KAZN: variants seen among roughly 807,000 people sequenced by gnomAD.
KAZN encodes kazrin, periplakin interacting protein, also known as kazrin.
KAZN carries 40 observed loss-of-function variants against 87.4 expected under a neutral mutation model. The observed-to-expected ratio is 0.46, with a 90% confidence interval of 0.36 to 0.60. The LOEUF is 0.60. KAZN is among the 20% of genes least tolerant of loss of function. The pLI is 0.00. For missense variants in KAZN, 898 were observed against 1,073.9 expected, an observed-to-expected ratio of 0.84 and a Z score of 2.29; for synonymous variants, 466 against 458.3, an observed-to-expected ratio of 1.02 and a Z score of -0.22.
chr1:14,816,640 T>C (rs1350610227), intron 1 of KAZN, among the ~76,000 whole-genome samples: 1 of 152,052 alleles, frequency 6.6e-6, no homozygotes, highest in African/African-American at 2.4e-5. Context: ...TTAATAGATA[T>C]AGATACAGAT....
At chr1:14,731,765 G>A (rs1184887683) in intron 1 of KAZN, among the ~76,000 whole-genome samples, 1 of 152,228 alleles carries the variant, frequency 6.6e-6, no homozygotes, top group Non-Finnish European at 1.5e-5. Context: ...CACAGTGCCT[G>A]AGTGAGTCTC....
intron 2 of KAZN, among the ~76,000 whole-genome samples, chr1:14,500,869 A>T (rs1362062087): frequency 6.6e-6 from 1 of 152,126 alleles, no homozygotes; most frequent in East Asian, 1.9e-4. Flanking sequence ...AATTCCTGGA[A>T]GACACAAACT....
At chr1:15,087,559 AT>A (rs1356051778) in intron 8 of KAZN, among the ~76,000 whole-genome samples, 1 of 151,650 alleles carries the variant, frequency 6.6e-6, no homozygotes, top group African/African-American at 2.4e-5. Context: ...TGCCCAGCTA[AT>A]TTTTTTGTAT....
At chr1:13,955,348 C>T (rs913319421) in intron 1 of KAZN, among the ~76,000 whole-genome samples, 1 of 151,856 alleles carries the variant, frequency 6.6e-6, no homozygotes, top group African/African-American at 2.4e-5. Flanking sequence ...GTTTTTATTG[C>T]CTATTTTACT....
intron 2 of KAZN, among the ~76,000 whole-genome samples, chr1:14,212,384 T>C (rs1646871248): frequency 6.6e-6 from 1 of 152,182 alleles, no homozygotes; most frequent in South Asian, 2.1e-4. Context: ...ATCACAAATT[T>C]TCTTTAAAGT....
At chr1:14,741,898 T>TGGTTAA (rs1557443106) in intron 1 of KAZN, among the ~76,000 whole-genome samples, 2 of 152,214 alleles carry the variant, frequency 1.3e-5, no homozygotes, top group Non-Finnish European at 2.9e-5. Flanking sequence ...ATCCAAATAT[T>TGGTTAA]CCCTTTCTGT....
intron 1 of KAZN, among the ~76,000 whole-genome samples, chr1:14,951,951 T>A (rs1364029520): frequency 6.6e-6 from 1 of 152,148 alleles, no homozygotes; most frequent in East Asian, 1.9e-4. Flanking sequence ...GCTGGACCAG[T>A]GCATGGCAGG....
chr1:14,233,312 A>G (rs1443240017), intron 2 of KAZN, among the ~76,000 whole-genome samples: 1 of 151,766 alleles, frequency 6.6e-6, no homozygotes, highest in Admixed American at 6.6e-5. Context: ...TTTCATTTTT[A>G]TTTTTGTAGA....
intron 2 of KAZN, among the ~76,000 whole-genome samples, chr1:14,298,175 T>C (rs1416627): frequency 0.15 from 22,331 of 152,094 alleles, 2,416 homozygotes; most frequent in African/African-American, 0.3. Flanking sequence ...CAGTGAGCCA[T>C]GTTCATGCTA....
At chr1:14,399,832 T>C (rs12045797) in intron 2 of KAZN, among the ~76,000 whole-genome samples, 22,939 of 152,000 alleles carry the variant, frequency 0.15, 1,843 homozygotes, top group East Asian at 0.23. Context: ...TCCCTCCCCA[T>C]ACCCTTTTGC....
intron 1 of KAZN, among the ~76,000 whole-genome samples, chr1:14,117,001 A>G (rs769540146): frequency 4.6e-5 from 7 of 152,170 alleles, no homozygotes; most frequent in Non-Finnish European, 1.0e-4. Flanking sequence ...TATTTACCCA[A>G]TGCTTGGATT....
At position 14,137,924 on chromosome 1, in the gene KAZN, G is replaced by A. The variant is rs1175403139; in HGVS notation, c.92-42511G>A. On this transcript the variant is annotated intron_variant, in intron 1 of 16. Transcript: ENST00000636203. The stretch of plus-strand genomic sequence containing the variant: ...TATCAGTTAAGGAATTCTTCCAGGA[G>A]CTTCAGTGTGTATCTGAGCCAGACC... 2.6e-5 allele frequency among the ~76,000 whole-genome samples: 4 copies of A among 152,094 alleles called. No homozygotes were observed. In the East Asian group the frequency reaches 5.8e-4, roughly 22 times the overall value.
intron 1 of KAZN, among the ~76,000 whole-genome samples, chr1:14,750,173 G>A (rs1470056560): frequency 6.6e-6 from 1 of 152,114 alleles, no homozygotes; most frequent in Non-Finnish European, 1.5e-5. Context: ...GCAACTTCAT[G>A]TGAACATATT....
intron 1 of KAZN, among the ~76,000 whole-genome samples, chr1:13,924,529 C>T (rs551946490): frequency 2.0e-5 from 3 of 152,280 alleles, no homozygotes; most frequent in East Asian, 1.9e-4. Flanking sequence ...AGCTGGGAAC[C>T]GCTTAGGGCA....
At chr1:14,346,277 G>A (rs942461782) in intron 2 of KAZN, among the ~76,000 whole-genome samples, 12 of 152,140 alleles carry the variant, frequency 7.9e-5, no homozygotes, top group Non-Finnish European at 1.3e-4. Context: ...GTTTTGGCTC[G>A]AAAATGCTCT....
intron 1 of KAZN, among the ~76,000 whole-genome samples, chr1:14,849,821 T>G (rs1202647387): frequency 6.6e-6 from 1 of 152,198 alleles, no homozygotes; most frequent in Admixed American, 6.5e-5. Context: ...AGAAGTATTT[T>G]GAGTTTTTCC....
At chr1:15,013,669 C>T (rs1043341280) in intron 2 of KAZN, among the ~76,000 whole-genome samples, 12 of 151,590 alleles carry the variant, frequency 7.9e-5, no homozygotes, top group Admixed American at 2.0e-4. Context: ...GCGGGAGAAT[C>T]GCTTGAGCCT....
At chr1:14,178,522 T>C (rs1363783430) in intron 1 of KAZN, among the ~76,000 whole-genome samples, 2 of 152,330 alleles carry the variant, frequency 1.3e-5, no homozygotes, top group African/African-American at 4.8e-5. Context: ...TCCCTAGAGG[T>C]TCCATTTGGT....
At chr1:14,844,424 C>T (rs1648425743) in intron 1 of KAZN, among the ~76,000 whole-genome samples, 1 of 152,184 alleles carries the variant, frequency 6.6e-6, no homozygotes. Context: ...CCTCACCTTC[C>T]TTACCCTCCT....
Sources: allele counts gnomAD v4.1 joint callset (sites outside exome capture counted in the v4.1 genomes callset), GRCh38; gene constraint gnomAD v4.1.1; transcripts MANE v1.5; gene names NCBI Gene and HGNC (gene_info 2026-07-23, HGNC 2026-07-21).